The following LAMA2 variants were observed in gnomAD, a reference collection of about 807,000 sequenced individuals.
The protein encoded by LAMA2 is laminin subunit alpha 2.
A neutral mutation model predicts 364.8 loss-of-function variants in LAMA2; 269 were observed. That is an observed-to-expected ratio of 0.74 (90% confidence interval 0.67 to 0.82). The LOEUF (loss-of-function observed/expected upper bound fraction) is 0.82, where lower values mean the gene tolerates loss of function less well. Among genes scored for constraint, LAMA2 ranks in the 40% least tolerant of loss-of-function variants. LAMA2 has a pLI of 0.00. For missense variants in LAMA2, 3,807 were observed against 3,873.2 expected (o/e 0.98, Z 0.45); for synonymous variants, 1,379 against 1,370.6 (o/e 1.01, Z -0.14).
At chr6:129,006,478 C>A (rs1784446374) in intron 1 of LAMA2, among the ~76,000 whole-genome samples, 1 of 152,138 alleles carries the variant, frequency 6.6e-6, no homozygotes, top group Non-Finnish European at 1.5e-5. Context: ...CTTTCCTCAG[C>A]CTTAGTGAAG....
At position 129,157,921 on chromosome 6, in the gene LAMA2, T is replaced by C. The variant is rs1205580512; in HGVS notation, c.1206+3238T>C. 6 of 1,614,196 alleles carry C rather than the reference T, an allele frequency of 3.7e-6. No homozygotes were observed. In the East Asian group the frequency reaches 1.1e-4, roughly 30 times the overall value. ...GCCAGGTAGCGTTTGGTGCCCACCC[T>C]GGTATTCAAGGGCACATCAACTTCA... On this transcript the variant is annotated intron_variant, in intron 8 of 64. Transcript: ENST00000421865.
At position 129,502,689 on chromosome 6, in the gene LAMA2, C is replaced by G. The variant is rs756645340; in HGVS notation, c.8275C>G (p.Leu2759Val). 30 of 1,613,874 alleles carry G rather than the reference C, an allele frequency of 1.9e-5. No homozygotes were observed. In the South Asian group the frequency reaches 3.2e-4, roughly 17 times the overall value. Residue 2759 changes from leucine (L) to valine (V), a missense_variant, in exon 59 of 65, where the codon CTT becomes GTT. Coordinates refer to ENST00000421865, the MANE Select transcript of LAMA2 (RefSeq NM_000426.4). ...TTGTGCTGCAGAATCAGAACCAGCT[C>G]TTTTGATAGGGAGCAAGCAGTTCGG... ...GPCAAESEPA[L>V]LIGSKQFGLS...
Position 129,151,191 on chromosome 6 carries a change from T to C in LAMA2, c.1027+2095T>C, listed in dbSNP as rs116038405. Among the ~76,000 whole-genome samples the C allele has an allele frequency of 9.6e-3, 1,459 of 152,158 alleles. 21 individuals are homozygous for C. Among genetic ancestry groups the C allele is most frequent in the African/African-American group, 0.033 (1,384 of 41,512 alleles). On this transcript the variant is annotated intron_variant, in intron 7 of 64. Transcript: ENST00000421865. The stretch of plus-strand genomic sequence containing the variant: ...AGAAAGTGGGGCTGTAGGTGTAGGG[T>C]CCTGGCTGCACAGAGTGTGTGATGG...
intron 35 of LAMA2, among the ~76,000 whole-genome samples, chr6:129,385,481 G>A (rs1414180685): frequency 6.6e-6 from 1 of 151,966 alleles, no homozygotes; most frequent in Non-Finnish European, 1.5e-5. Context: ...TTGTTTGTCA[G>A]TTGTAATAAA....
At chr6:128,905,344 T>C (rs1777369288) in intron 1 of LAMA2, 1 of 152,154 alleles carries the variant, frequency 6.6e-6, no homozygotes, top group Admixed American at 6.6e-5. Context: ...AGTTTAAACC[T>C]CTTACCTCCA....
chr6:128,921,320 A>T (rs998635761), intron 1 of LAMA2, among the ~76,000 whole-genome samples: 1 of 152,204 alleles, frequency 6.6e-6, no homozygotes, highest in African/African-American at 2.4e-5. Flanking sequence ...GTGGCATATC[A>T]TTTCTAAGCT....
intron 17 of LAMA2, among the ~76,000 whole-genome samples, chr6:129,273,723 T>A (rs1035315828): frequency 2.0e-5 from 3 of 152,122 alleles, no homozygotes; most frequent in African/African-American, 7.2e-5. Context: ...GGGTTTCCAG[T>A]GTCCAATAAT....
chr6:128,961,017 TG>T (rs1781455982), intron 1 of LAMA2, among the ~76,000 whole-genome samples: 1 of 151,946 alleles, frequency 6.6e-6, no homozygotes, highest in Non-Finnish European at 1.5e-5. Flanking sequence ...CACGAAAGCA[TG>T]TTAACTCAAA....
intron 41 of LAMA2, among the ~76,000 whole-genome samples, chr6:129,428,253 G>A (rs1225878480): frequency 6.6e-6 from 1 of 152,104 alleles, no homozygotes; most frequent in Non-Finnish European, 1.5e-5. Flanking sequence ...AACATAGCAA[G>A]ATCCTGTCTC....
At chr6:129,233,086 G>A (rs1316053480) in intron 12 of LAMA2, among the ~76,000 whole-genome samples, 1 of 152,074 alleles carries the variant, frequency 6.6e-6, no homozygotes, top group Non-Finnish European at 1.5e-5. Flanking sequence ...AGAGCCACCA[G>A]AAAGGAATGT....
chr6:129,099,106 G>A (rs1478321941), intron 4 of LAMA2, among the ~76,000 whole-genome samples: 1 of 144,208 alleles, frequency 6.9e-6, no homozygotes, highest in Non-Finnish European at 1.5e-5. Context: ...GTATGTGGGG[G>A]CGGGGAGGTT....
chr6:129,289,377 A>G (rs1789518865), intron 19 of LAMA2, among the ~76,000 whole-genome samples: 1 of 152,186 alleles, frequency 6.6e-6, no homozygotes, highest in South Asian at 2.1e-4. Flanking sequence ...AAAGAGAGTC[A>G]TGAATTTTCT....
intron 20 of LAMA2, 88 bp downstream of exon 20, chr6:129,291,808 T>G: frequency 1.2e-6 from 1 of 866,720 alleles, no homozygotes; most frequent in Non-Finnish European, 1.9e-6. Flanking sequence ...CCTTCGTATA[T>G]TAAAAGGAAG....
intron 11 of LAMA2, 38 bp from the exon 12 acceptor site, chr6:129,192,642 T>G: frequency 1.3e-6 from 2 of 1,593,322 alleles, no homozygotes; most frequent in Non-Finnish European, 1.7e-6. Flanking sequence ...TGATAGATAT[T>G]TTTTAAAAAT....
chr6:129,442,827 C>T, intron 43 of LAMA2: 1 of 532,776 alleles, frequency 1.9e-6, no homozygotes, highest in Middle Eastern at 3.4e-4. Context: ...GGTCTGTTTT[C>T]TATCTTACTA....
chr6:129,440,803 C>G lies in LAMA2; in HGVS notation c.6086-13C>G. 6.2e-7 allele frequency: 1 copy of G among 1,612,868 alleles called. No individual in the cohort carries two copies. Among genetic ancestry groups the G allele is most frequent in the Non-Finnish European group, 8.5e-7 (1 of 1,179,008 alleles). ...CCCTTTGTTTTGTTTTTCATACCCT[C>G]ATCTGCTGACAGATACAGCTGCTAA... On this transcript the variant is annotated splice_polypyrimidine_tract_variant and intron_variant, in intron 42 of 64. Transcript: ENST00000421865.
intron 1 of LAMA2, among the ~76,000 whole-genome samples, chr6:128,949,967 T>A (rs1240927020): frequency 1.3e-5 from 2 of 152,182 alleles, no homozygotes; most frequent in Non-Finnish European, 1.5e-5. Context: ...CTAAATATGA[T>A]CCTTTATATT....
At chr6:129,356,202 A>T (rs1373157024) in intron 32 of LAMA2, among the ~76,000 whole-genome samples, 1 of 152,124 alleles carries the variant, frequency 6.6e-6, no homozygotes, top group Admixed American at 6.6e-5. Flanking sequence ...TGAAGAATGT[A>T]TACAAATAAT....
chr6:129,435,909 A>G (rs1408586276), intron 41 of LAMA2, among the ~76,000 whole-genome samples: 4 of 152,120 alleles, frequency 2.6e-5, no homozygotes, highest in African/African-American at 9.7e-5. Flanking sequence ...CAGTTCCTCT[A>G]ATGAGCCACA....
Sources: allele counts gnomAD v4.1 joint callset (sites outside exome capture counted in the v4.1 genomes callset), GRCh38; gene constraint gnomAD v4.1.1; transcripts MANE v1.5; gene names NCBI Gene and HGNC (gene_info 2026-07-23, HGNC 2026-07-21).